The following CERCAM variants were observed in gnomAD, a reference collection of about 807,000 sequenced individuals.
The protein encoded by CERCAM is inactive glycosyltransferase 25 family member 3.
CERCAM carries 59 observed loss-of-function variants against 66.0 expected under a neutral mutation model. The observed-to-expected ratio is 0.89, with a 90% CI of 0.73 to 1.11. The LOEUF (loss-of-function observed/expected upper bound fraction) is 1.11. Among genes scored for constraint, CERCAM ranks in the 50% most tolerant of loss-of-function variants. The probability of loss-of-function intolerance (pLI) is 0.00; values close to 1 mark genes in which losing one functional copy is unlikely to be tolerated. For synonymous variants in CERCAM, 318 were observed against 343.6 expected (o/e 0.93, Z 0.83); for missense variants, 840 against 828.3 (o/e 1.01, Z -0.17).
chr9:128,424,280 C>T lies in CERCAM; in HGVS notation c.561+8C>T, dbSNP rs111297180. ...TGTGGGATCACCCCCCAGGTGAGGC[C>T]GGGATGGGGGCCTTGGGTGGACTGA... On this transcript the variant is annotated splice_region_variant and intron_variant, in intron 4 of 12. Transcript: ENST00000372838. 247 of 1,613,794 alleles carry T rather than the reference C, an allele frequency of 1.5e-4. 2 individuals carry two copies. In the African/African-American group the frequency reaches 2.3e-3, roughly 15 times the overall value.
intron 5 of CERCAM, among the ~76,000 whole-genome samples, chr9:128,427,473 A>G (rs1226356757): frequency 2.0e-5 from 3 of 151,900 alleles, no homozygotes; most frequent in African/African-American, 7.3e-5. Flanking sequence ...AATAAAGGTA[A>G]CAAATATTGG....
chr9:128,435,414 A>G (rs1834084949), intron 11 of CERCAM, among the ~76,000 whole-genome samples: 1 of 152,176 alleles, frequency 6.6e-6, no homozygotes. Flanking sequence ...GATTATAGGC[A>G]TGAGCCACTG....
Position 128,424,128 on chromosome 9 carries a change from C to T in CERCAM, c.427-10C>T, listed in dbSNP as rs750433147. On this transcript the variant is annotated splice_polypyrimidine_tract_variant and intron_variant, in intron 3 of 12. Transcript: ENST00000372838. The stretch of plus-strand genomic sequence containing the variant: ...GCAGGGCTGGAGCCTGTGACGTCCC[C>T]TCCTCAAAGTTTGCAGACACAGACA... The T allele has an allele frequency of 1.4e-5, 23 of 1,612,972 alleles. No homozygotes were observed. The highest frequency in any genetic ancestry group is 1.8e-5 in the Non-Finnish European group (21 of 1,179,526).
Position 128,434,898 on chromosome 9 carries a change from G to T in CERCAM, c.1535+285G>T, listed in dbSNP as rs1381246790. Among the ~76,000 whole-genome samples the T allele has an allele frequency of 1.3e-5, 2 of 152,146 alleles. No homozygotes were observed. The highest frequency in any genetic ancestry group is 2.9e-5 in the Non-Finnish European group (2 of 68,036). On this transcript the variant is annotated intron_variant, in intron 11 of 12. Coordinates refer to ENST00000372838, the MANE Select transcript of CERCAM (RefSeq NM_016174.5). The surrounding 1 kb of genome is among the most constrained non-coding windows in gnomAD (Gnocchi z 4.5). ...ATGATTTTGACTCACTGCACCTTCT[G>T]CCTCCCAGGTTCAAGCAATTCTGCT... is the stretch of plus-strand genomic sequence containing the variant.
chr9:128,432,407 CAG>C (rs1588627087), intron 9 of CERCAM, among the ~76,000 whole-genome samples: 1 of 112,980 alleles, frequency 8.9e-6, no homozygotes, highest in South Asian at 2.8e-4. Flanking sequence ...TTTTTTGAGA[CAG>C]GGTATTGCTC....
rs893708771 is a variant in CERCAM at position 128,428,817 on chromosome 9, A to G, written c.947A>G (p.Lys316Arg). Residue 316 changes from lysine (K) to arginine (R), a missense_variant, in exon 7 of 13, where the codon AAG (lysine) becomes AGG (arginine). By Grantham distance (26) the Lys-to-Arg change is conservative. Transcript: ENST00000372838. Reference sequence around the variant, plus strand: ...ACTCGGCCCTCTAAGAGGCCCAGCAAGATAGGGTTTGACGAGGTAAGTCCC... The same window carrying G: ...ACTCGGCCCTCTAAGAGGCCCAGCAGGATAGGGTTTGACGAGGTAAGTCCC... Reference protein sequence around the residue: ...HVTRPSKRPSKIGFDEVFVIS... With the variant: ...HVTRPSKRPSRIGFDEVFVIS... 9 of 1,613,874 alleles carry G rather than the reference A, an allele frequency of 5.6e-6. No individual in the cohort carries two copies. The Admixed American group carries it at 1.5e-4, about 27-fold the overall frequency.
In CERCAM at chr9:128,424,278, G is replaced by GC; in HGVS notation, c.561+8dup. ...GGTGTGGGATCACCCCCCAGGTGAG[G>GC]CCGGGATGGGGGCCTTGGGTGGACT... On this transcript the variant is annotated splice_region_variant and intron_variant, in intron 4 of 12. Coordinates refer to ENST00000372838, the MANE Select transcript of CERCAM (RefSeq NM_016174.5). The GC allele has an allele frequency of 6.2e-7, 1 of 1,613,948 alleles. No individual in the cohort carries two copies. The highest frequency in any genetic ancestry group is 8.5e-7 in the Non-Finnish European group (1 of 1,179,918).
At chr9:128,436,059 T>A (rs1834107043) in intron 12 of CERCAM, among the ~76,000 whole-genome samples, 154 bp downstream of exon 12, 1 of 152,044 alleles carries the variant, frequency 6.6e-6, no homozygotes. Flanking sequence ...GTTGTTGTTG[T>A]TTGTTTGTTT....
intron 9 of CERCAM, chr9:128,431,596 TG>T (rs1466326635): frequency 3.0e-6 from 1 of 337,528 alleles, no homozygotes; most frequent in Non-Finnish European, 5.5e-6. Flanking sequence ...GGGATCCCCC[TG>T]GGGCTCAGGG....
rs895779639 is a variant in CERCAM, at chr9:128,437,200, C to G, written c.*352C>G. ...CCCCTCTGCCCCCTTCTACCTCCAC[C>G]TCAGCACCCTCCCCCAGCTTGATGT... On this transcript the variant is annotated 3_prime_UTR_variant, in exon 13 of 13. Coordinates refer to ENST00000372838, the MANE Select transcript of CERCAM (RefSeq NM_016174.5). 1.3e-5 allele frequency: 2 copies of G among 152,296 alleles called. No individual in the cohort carries two copies. The highest frequency in any genetic ancestry group is 4.8e-5 in the African/African-American group (2 of 41,288). The allele number at this position is 152,296 out of a possible 1,614,324, so 9.4% of individuals were successfully genotyped here.
At chr9:128,428,718 C>T (rs771571661) in intron 6 of CERCAM, 39 bp from the exon 7 acceptor site, 2 of 1,607,152 alleles carry the variant, frequency 1.2e-6, no homozygotes, top group Non-Finnish European at 1.7e-6. Flanking sequence ...TAACAGGAGT[C>T]AGTAGGGACT....
At chr9:128,428,265 C>A (rs1833891112) in intron 5 of CERCAM, 37 bp from the exon 6 acceptor site, 3 of 1,607,234 alleles carry the variant, frequency 1.9e-6, no homozygotes, top group South Asian at 2.2e-5. Context: ...GAGAGCCCCA[C>A]CCTCCACTGC....
rs746420114 is a variant in CERCAM, at chr9:128,428,381, C to T, written c.846C>T (p.Asp282=). ...VPVKSHQGLE[D]ERVNFIHLIL... is the part of the protein sequence containing the mutation. ...TGAAATCCCACCAGGGGCTGGAAGA[C>T]GAGAGGGTCAACTTCATCCACCTGA... The change falls in exon 6 of 13, where the codon GAC becomes GAT. Residue 282 remains aspartate (D), a synonymous_variant. Transcript: ENST00000372838. The T allele has an allele frequency of 2.1e-5, 34 of 1,614,110 alleles. No homozygotes were observed. The highest frequency in any genetic ancestry group is 2.1e-4 in the South Asian group (19 of 91,076).
At chr9:128,426,875 A>C (rs1833858644) in intron 5 of CERCAM, among the ~76,000 whole-genome samples, 1 of 152,238 alleles carries the variant, frequency 6.6e-6, no homozygotes. Context: ...GCAGACATGC[A>C]AGAAGAAATC....
At chr9:128,430,879 G>T in intron 8 of CERCAM, 1 of 258,596 alleles carries the variant, frequency 3.9e-6, no homozygotes, top group Non-Finnish European at 7.3e-6. Flanking sequence ...ACATTAGCTG[G>T]GCACCTGTAA....
chr9:128,424,179 G>C lies in CERCAM; in HGVS notation c.468G>C (p.Leu156=), dbSNP rs748656972. 6.2e-7 allele frequency: 1 copy of C among 1,614,168 alleles called. No homozygotes were observed. Among genetic ancestry groups the C allele is most frequent in the South Asian group, 1.1e-5 (1 of 91,082 alleles). ...TDNILTNNQT[L]RLLMGQGLPV... is the part of the protein sequence containing the mutation. ...ACATTCTGACCAACAATCAGACTCT[G>C]CGGCTTCTCATGGGGCAGGGGCTTC... The change falls in exon 4 of 13, where the codon CTG becomes CTC. Residue 156 remains leucine (L), a synonymous_variant. Coordinates refer to ENST00000372838, the MANE Select transcript of CERCAM (RefSeq NM_016174.5).
intron 5 of CERCAM, 109 bp from the exon 6 acceptor site, chr9:128,428,193 A>G: frequency 7.5e-7 from 1 of 1,328,402 alleles, no homozygotes; most frequent in Non-Finnish European, 1.0e-6. Context: ...ACTGAGTCCC[A>G]GAGAAGACTG....
At position 128,423,255 on chromosome 9, in the gene CERCAM, T is replaced by G; in HGVS notation, c.418T>G (p.Tyr140Asp). Residue 140 changes from tyrosine (Y) to aspartate (D), a missense_variant, in exon 3 of 13, where the codon TAT becomes GAT. By Grantham distance (160) the Tyr-to-Asp change is radical (BLOSUM62 -3). Coordinates refer to ENST00000372838, the MANE Select transcript of CERCAM (RefSeq NM_016174.5). Reference sequence around the variant, plus strand: ...CTTTGCCAGGAACTGGGGGGCCGACTATATCCTGGTGAGGAAGTCTGGCTA... The same window carrying G: ...CTTTGCCAGGAACTGGGGGGCCGACGATATCCTGGTGAGGAAGTCTGGCTA... ...LTFARNWGAD[Y>D]ILFADTDNIL... The G allele has an allele frequency of 6.2e-7, 1 of 1,613,206 alleles. No individual in the cohort carries two copies. The highest frequency in any genetic ancestry group is 8.5e-7 in the Non-Finnish European group (1 of 1,179,356).
intron 1 of CERCAM, chr9:128,421,346 G>A: frequency 8.4e-7 from 1 of 1,192,160 alleles, no homozygotes; most frequent in Non-Finnish European, 1.0e-6. Context: ...TTCCCTGGGT[G>A]TAGGTTGGGC....
Sources: allele counts gnomAD v4.1 joint callset (sites outside exome capture counted in the v4.1 genomes callset), GRCh38; gene constraint gnomAD v4.1.1; non-coding constraint Gnocchi (gnomAD v3.1); transcripts MANE v1.5; gene names NCBI Gene and HGNC (gene_info 2026-07-23, HGNC 2026-07-21).